The following ZIM2 variants were observed in gnomAD, a reference collection of about 807,000 sequenced individuals.
ZIM2 encodes the protein zinc finger protein 656.
ZIM2 carries 14 observed loss-of-function variants against 38.6 expected under a neutral mutation model. The observed-to-expected ratio is 0.36, with a 90% CI of 0.24 to 0.57. The LOEUF (loss-of-function observed/expected upper bound fraction) is 0.57. Ranked by LOEUF, ZIM2 falls within the 20% of genes least tolerant of loss-of-function variation. The pLI, the probability that ZIM2 is intolerant of heterozygous loss-of-function variation, is 0.81. For synonymous variants in ZIM2, 247 were observed against 245.8 expected (o/e 1.00, Z -0.04); for missense variants, 680 against 695.1 (o/e 0.98, Z 0.24).
Position 56,824,393 on chromosome 19 carries a change from A to C in ZIM2, c.-116T>G, listed in dbSNP as rs1370916555. ...GGTCAGGTACTGCTCAAGGACCAAG[A>C]GCTCGATGATCTCCTCCTTGGTGCG... On this transcript the variant is annotated 5_prime_UTR_variant, in exon 4 of 13. Transcript: ENST00000629319. 3.7e-6 allele frequency: 6 copies of C among 1,614,004 alleles called. No homozygotes were observed. In the East Asian group the frequency reaches 1.3e-4, roughly 36 times the overall value.
rs781298122 is a variant in ZIM2, at chr19:56,814,061, G to A, written c.490+3685C>T. On this transcript the variant is annotated intron_variant, in intron 9 of 12. Transcript: ENST00000629319. The surrounding 1 kb of genome is among the most constrained non-coding windows in gnomAD (Gnocchi z 5.8). ...TCTGGCTCTTCAGCTCTTTCTTCTGGGTCTTCAATACCTGCACCATCTGGC... is the reference window on the plus strand; with the variant it reads ...TCTGGCTCTTCAGCTCTTTCTTCTGAGTCTTCAATACCTGCACCATCTGGC... 3.7e-6 allele frequency: 6 copies of A among 1,614,050 alleles called. No individual in the cohort carries two copies. The South Asian group carries it at 5.5e-5, about 15-fold the overall frequency.
rs991952387 is a variant in ZIM2 at position 56,789,781 on chromosome 19, A to G, written c.570+91T>C. ...TTTATATAAAAACTTAATGGAAATG[A>G]GTATGTGGTTTAATTAAATAAGGAA... is the stretch of plus-strand genomic sequence containing the variant. On this transcript the variant is annotated intron_variant, in intron 10 of 12. Transcript: ENST00000629319. The G allele has an allele frequency of 2.1e-5, 23 of 1,112,902 alleles. No homozygotes were observed. The Middle Eastern group carries it at 8.5e-4, about 41-fold the overall frequency. 68.9% of individuals were successfully genotyped at this position (1,112,902 alleles called of 1,614,324 possible). A position where few individuals can be genotyped will look rare whatever the true frequency, so the allele number is the denominator to read the frequency against.
chr19:56,775,649 C>A (rs1218086618), intron 12 of ZIM2, 120 bp from the exon 13 acceptor site: 2 of 1,455,302 alleles, frequency 1.4e-6, no homozygotes, highest in African/African-American at 1.4e-5. Flanking sequence ...GGTCTCTTTT[C>A]CTAATCTGAA....
At chr19:56,838,635 G>A (rs1328189420) in intron 1 of ZIM2, among the ~76,000 whole-genome samples, 1 of 152,208 alleles carries the variant, frequency 6.6e-6, no homozygotes, top group African/African-American at 2.4e-5. Context: ...CACAGCGAGC[G>A]CGGTGATAAC....
chr19:56,800,962 G>C (rs545998658), intron 9 of ZIM2, among the ~76,000 whole-genome samples: 303 of 143,340 alleles, frequency 2.1e-3, no homozygotes, highest in African/African-American at 7.5e-3. Flanking sequence ...TTGAGACAGA[G>C]TCTTGCTCAG....
chr19:56,818,504 A>G, intron 8 of ZIM2, 96 bp downstream of exon 8: 2 of 1,281,476 alleles, frequency 1.6e-6, no homozygotes, highest in Non-Finnish European at 2.2e-6. Context: ...GTCCAAATAT[A>G]TTAATGTGGA....
intron 9 of ZIM2, among the ~76,000 whole-genome samples, chr19:56,800,088 T>C (rs117575699): frequency 1.3e-5 from 2 of 152,312 alleles, no homozygotes; most frequent in East Asian, 3.9e-4. Flanking sequence ...CAATATTGTT[T>C]TGTATATTAA....
In ZIM2 at chr19:56,781,983, G is replaced by T. The variant is rs139421959; in HGVS notation, c.709C>A (p.Leu237Met). 768 of 1,613,778 alleles carry T rather than the reference G, an allele frequency of 4.8e-4. 3 individuals are homozygous for T. Among genetic ancestry groups the T allele is most frequent in the Middle Eastern group, 2.6e-3 (16 of 6,058 alleles). The change falls in exon 11 of 13, where the codon CTG becomes ATG. Residue 237 changes from leucine (L) to methionine (M), a missense_variant. Coordinates refer to ENST00000629319, the MANE Select transcript of ZIM2 (RefSeq NM_001387356.1). ...AQRNLYREVM[L>M]ENYRNLVSLG... is the part of the protein sequence containing the mutation. ...GAGACCAGGTTCCGGTAATTCTCCA[G>T]CATCACCTCCCTGTAGAGGTTTCTC... is the stretch of plus-strand genomic sequence containing the variant.
intron 4 of ZIM2, 30 bp from the exon 5 acceptor site, chr19:56,823,709 T>C (rs1400845396): frequency 2.5e-6 from 4 of 1,612,614 alleles, no homozygotes; most frequent in East Asian, 4.5e-5. Flanking sequence ...CAAGTTACTA[T>C]CTCTGGCCCA....
chr19:56,815,652 A>G lies in ZIM2; in HGVS notation c.490+2094T>C, dbSNP rs35944973. The G allele has an allele frequency of 5.6e-4, 896 of 1,614,160 alleles. 3 individuals carry two copies. The African/African-American group carries it at 0.011, about 19-fold the overall frequency. On this transcript the variant is annotated intron_variant, in intron 9 of 12. Transcript: ENST00000629319. ...TTTTAGCACGAGCCTTCTGGTATTC[A>G]CGGACATTTGAGCTGGGAACAGAGA...
At chr19:56,800,248 G>A (rs1431873098) in intron 9 of ZIM2, among the ~76,000 whole-genome samples, 1 of 151,864 alleles carries the variant, frequency 6.6e-6, no homozygotes, top group Non-Finnish European at 1.5e-5. Context: ...ACATATAAAT[G>A]GGAAAAATGC....
At chr19:56,834,799 T>C (rs115168705) in intron 2 of ZIM2, among the ~76,000 whole-genome samples, 1 of 152,248 alleles carries the variant, frequency 6.6e-6, no homozygotes, top group African/African-American at 2.4e-5. Flanking sequence ...TAGCCACCTA[T>C]CTTGGTAAAC....
At chr19:56,817,693 G>T in intron 9 of ZIM2, 53 bp downstream of exon 9, 1 of 1,561,600 alleles carries the variant, frequency 6.4e-7, no homozygotes, top group South Asian at 1.1e-5. Context: ...GAAGTTCCTT[G>T]ATAGCATCTC....
intron 9 of ZIM2, chr19:56,813,393 C>G: frequency 8.2e-7 from 1 of 1,219,792 alleles, no homozygotes; most frequent in Non-Finnish European, 1.0e-6. Context: ...ACTCTGTAGT[C>G]TGGAATACTC....
At chr19:56,784,384 TAAAAG>T (rs1304726118) in intron 10 of ZIM2, among the ~76,000 whole-genome samples, 3 of 152,200 alleles carry the variant, frequency 2.0e-5, no homozygotes, top group South Asian at 2.1e-4. Context: ...AAAAGATTGT[TAAAAG>T]AGAAATGTTA....
intron 9 of ZIM2, among the ~76,000 whole-genome samples, chr19:56,792,664 T>TA (rs951622129): frequency 1.2e-4 from 17 of 145,958 alleles, no homozygotes; most frequent in African/African-American, 4.4e-4. Flanking sequence ...CAAAAGGGGG[T>TA]AATGAGGAAG....
At chr19:56,834,200 G>A (rs1487848749) in intron 2 of ZIM2, among the ~76,000 whole-genome samples, 1 of 152,074 alleles carries the variant, frequency 6.6e-6, no homozygotes, top group Non-Finnish European at 1.5e-5. Flanking sequence ...AGGCCACAAA[G>A]CTTGGTCCAT....
chr19:56,816,749 A>T (rs1277415408), intron 9 of ZIM2: 3 of 1,614,000 alleles, frequency 1.9e-6, no homozygotes. Context: ...CACACCCTGC[A>T]CTCGTAGAAT....
At chr19:56,801,621 C>T (rs1379876900) in intron 9 of ZIM2, among the ~76,000 whole-genome samples, 1 of 152,108 alleles carries the variant, frequency 6.6e-6, no homozygotes, top group African/African-American at 2.4e-5. Flanking sequence ...ACGTCCAGTC[C>T]CTTTTAATAT....
Sources: allele counts gnomAD v4.1 joint callset (sites outside exome capture counted in the v4.1 genomes callset), GRCh38; gene constraint gnomAD v4.1.1; non-coding constraint Gnocchi (gnomAD v3.1); transcripts MANE v1.5; gene names NCBI Gene and HGNC (gene_info 2026-07-23, HGNC 2026-07-21).